Variants in GIGYF2 observed in about 807,000 individuals in gnomAD.
GIGYF2 encodes GRB10-interacting GYF protein 2.
In GIGYF2, 25 loss-of-function variants were observed where a neutral mutation model predicts 208.1. That is an observed-to-expected ratio of 0.12 (90% CI 0.09 to 0.17). The LOEUF (loss-of-function observed/expected upper bound fraction) is 0.17. Among genes scored for constraint, GIGYF2 ranks in the 10% least tolerant of loss-of-function variants. The probability of loss-of-function intolerance (pLI) is 1.00; values close to 1 mark genes in which losing one functional copy is unlikely to be tolerated. For missense variants in GIGYF2, 1,302 were observed against 1,579.4 expected, an observed-to-expected ratio of 0.82 and a Z score of 2.98; for synonymous variants, 534 against 543.8, an observed-to-expected ratio of 0.98 and a Z score of 0.25.
chr2:232,732,753 A>G (rs1054602659), intron 2 of GIGYF2, among the ~76,000 whole-genome samples: 1 of 151,332 alleles, frequency 6.6e-6, no homozygotes, highest in Non-Finnish European at 1.5e-5. Context: ...TGATCCTCCC[A>G]CCTCAGCTGG....
chr2:232,850,105 C>T (rs771590861), intron 27 of GIGYF2, among the ~76,000 whole-genome samples, 157 bp from the exon 28 acceptor site: 8 of 152,074 alleles, frequency 5.3e-5, no homozygotes, highest in African/African-American at 1.4e-4. Context: ...GCTCAGTGGC[C>T]GCTCTTGATT....
chr2:232,760,222 T>C (rs1698695632), intron 6 of GIGYF2: 2 of 344,776 alleles, frequency 5.8e-6, no homozygotes, highest in South Asian at 8.3e-5. Context: ...TTAAAGTTGA[T>C]ACTTTCTTGT....
At position 232,832,765 on chromosome 2, in the gene GIGYF2, TAGCCATTTGACAGA is replaced by T. The variant is rs1444612171; in HGVS notation, c.2530-88_2530-75del. On this transcript the variant is annotated intron_variant, in intron 21 of 28. Coordinates refer to ENST00000373563, the MANE Select transcript of GIGYF2 (RefSeq NM_001103146.3). ...GTTTCTGCTTTCTCTGTCATCTCTA[TAGCCATTTGACAGA>T]AGCTTTCAAAAGTGAGTCAGATTTT... is the stretch of plus-strand genomic sequence containing the variant. 25 of 885,040 alleles carry T rather than the reference TAGCCATTTGACAGA, an allele frequency of 2.8e-5. No individual in the cohort carries two copies. In the East Asian group the frequency reaches 5.0e-4, roughly 18 times the overall value. The allele number at this position is 885,040 out of a possible 1,614,324, so 54.8% of individuals were successfully genotyped here. A position where few individuals can be genotyped will look rare whatever the true frequency, so the allele number is the denominator to read the frequency against.
chr2:232,747,921 T>C (rs554120196), intron 4 of GIGYF2, among the ~76,000 whole-genome samples, 177 bp downstream of exon 4: 10 of 152,344 alleles, frequency 6.6e-5, no homozygotes, highest in African/African-American at 1.7e-4. Flanking sequence ...CTAAGTGTTA[T>C]CACACACTAT....
intron 8 of GIGYF2, among the ~76,000 whole-genome samples, chr2:232,771,911 T>G (rs991673858): frequency 7.2e-5 from 11 of 152,212 alleles, no homozygotes; most frequent in African/African-American, 2.7e-4. Flanking sequence ...GGACAAGGCT[T>G]ACATTTGTGG....
chr2:232,765,428 A>G (rs1246900106), intron 8 of GIGYF2: 1 of 152,668 alleles, frequency 6.6e-6, no homozygotes, highest in Non-Finnish European at 1.5e-5. Flanking sequence ...CTTACCATGT[A>G]TTTGCTTCTC....
At chr2:232,786,655 T>C (rs1001121586) in intron 8 of GIGYF2, among the ~76,000 whole-genome samples, 4 of 152,218 alleles carry the variant, frequency 2.6e-5, no homozygotes, top group African/African-American at 9.6e-5. Flanking sequence ...ATGAAAAATA[T>C]CTTATAACTT....
Position 232,811,232 on chromosome 2 carries a change from T to C in GIGYF2, c.1899-12T>C, listed in dbSNP as rs760488306. 2.6e-5 allele frequency: 39 copies of C among 1,474,886 alleles called. No homozygotes were observed. Among genetic ancestry groups the C allele is most frequent in the East Asian group, 1.8e-4 (8 of 44,198 alleles). The allele number at this position is 1,474,886 out of a possible 1,614,324, so 91.4% of individuals were successfully genotyped here. Reference sequence around the variant, plus strand: ...GATTGACAGGTTATACTTTTTTTTTTACTTTTTGAAGACAACAATATGCAC... The same window carrying C: ...GATTGACAGGTTATACTTTTTTTTTCACTTTTTGAAGACAACAATATGCAC... On this transcript the variant is annotated splice_polypyrimidine_tract_variant and intron_variant, in intron 16 of 28. Transcript: ENST00000373563.
intron 2 of GIGYF2, among the ~76,000 whole-genome samples, chr2:232,708,615 G>A (rs1410208379): frequency 6.7e-6 from 1 of 150,038 alleles, no homozygotes; most frequent in Non-Finnish European, 1.5e-5. Context: ...CAGGTGAATT[G>A]CTTGAGTCCA....
chr2:232,758,502 G>A (rs532057981), intron 6 of GIGYF2, among the ~76,000 whole-genome samples: 18 of 152,190 alleles, frequency 1.2e-4, no homozygotes, highest in African/African-American at 3.9e-4. Context: ...TGAGCCTTAC[G>A]ATAGGTTCAT....
chr2:232,749,117 ATTC>A, intron 5 of GIGYF2, 35 bp downstream of exon 5: 1 of 1,008,058 alleles, frequency 9.9e-7, no homozygotes. Context: ...GCAAACTCTT[ATTC>A]TTTTCCTGCT....
At chr2:232,794,435 T>C (rs1055058947) in intron 12 of GIGYF2, among the ~76,000 whole-genome samples, 1 of 152,238 alleles carries the variant, frequency 6.6e-6, no homozygotes, top group Non-Finnish European at 1.5e-5. Context: ...AGACATGTTA[T>C]GAAGAAAGGA....
At chr2:232,747,781 A>C (rs1195988051) in intron 4 of GIGYF2, 37 bp downstream of exon 4, 1 of 1,590,746 alleles carries the variant, frequency 6.3e-7, no homozygotes, top group Admixed American at 1.7e-5. Flanking sequence ...ATTGTGAATG[A>C]GACTTTGGGA....
At chr2:232,766,545 T>G (rs1698969855) in intron 8 of GIGYF2, 1 of 152,586 alleles carries the variant, frequency 6.6e-6, no homozygotes, top group Non-Finnish European at 1.5e-5. Context: ...TTGCTGTCTT[T>G]ATGTGTTACA....
intron 2 of GIGYF2, among the ~76,000 whole-genome samples, chr2:232,707,087 T>G (rs1380416418): frequency 6.6e-6 from 1 of 152,174 alleles, no homozygotes; most frequent in African/African-American, 2.4e-5. Flanking sequence ...TTGGTTTTGC[T>G]AATTTTATTC....
At chr2:232,766,201 T>G (rs1227342318) in intron 8 of GIGYF2, among the ~76,000 whole-genome samples, 1 of 152,238 alleles carries the variant, frequency 6.6e-6, no homozygotes, top group Non-Finnish European at 1.5e-5. Flanking sequence ...GGATCACGTT[T>G]CTTATAGATT....
At chr2:232,759,512 C>T (rs1417834295) in intron 6 of GIGYF2, among the ~76,000 whole-genome samples, 4 of 152,116 alleles carry the variant, frequency 2.6e-5, no homozygotes. Flanking sequence ...AACGGTGCAG[C>T]TATATCATTT....
chr2:232,840,130 A>G (rs1417472029), intron 23 of GIGYF2, among the ~76,000 whole-genome samples, 159 bp downstream of exon 23: 1 of 152,210 alleles, frequency 6.6e-6, no homozygotes, highest in Non-Finnish European at 1.5e-5. Flanking sequence ...TGGTTACCCT[A>G]GCAAATGTGA....
intron 21 of GIGYF2, among the ~76,000 whole-genome samples, chr2:232,830,827 A>T (rs930324370): frequency 6.7e-6 from 1 of 149,312 alleles, no homozygotes; most frequent in Non-Finnish European, 1.5e-5. Context: ...CAAAAAAAAA[A>T]TAATGATAAT....
Sources: gnomAD v4.1 joint callset for allele counts (sites outside exome capture counted in the v4.1 genomes callset) on GRCh38, gnomAD v4.1.1 for gene constraint, MANE v1.5 for transcripts, NCBI Gene and HGNC (gene_info 2026-07-23, HGNC 2026-07-21) for gene names.